The following MCPH1 variants were observed in gnomAD, a reference collection of about 807,000 sequenced individuals.
MCPH1 encodes microcephalin.
In MCPH1, 104 loss-of-function variants were observed where a neutral mutation model predicts 84.5. That is an observed-to-expected ratio of 1.23 (90% CI 1.05 to 1.45). The LOEUF is 1.45. Ranked by LOEUF, MCPH1 falls within the 40% of genes most tolerant of loss-of-function variation. MCPH1 has a pLI of 0.00. For synonymous variants in MCPH1, 514 were observed against 366.8 expected, an observed-to-expected ratio of 1.40 and a Z score of -4.58; for missense variants, 1,498 against 1,005.7, an observed-to-expected ratio of 1.49 and a Z score of -6.62.
chr8:6,552,241 C>T (rs1056698695), intron 12 of MCPH1, among the ~76,000 whole-genome samples: 16 of 152,168 alleles, frequency 1.1e-4, no homozygotes, highest in Admixed American at 9.2e-4. Flanking sequence ...CATGCAGAAG[C>T]AGCATTGCTT....
chr8:6,596,345 G>T (rs1427144067), intron 12 of MCPH1, among the ~76,000 whole-genome samples: 1 of 152,198 alleles, frequency 6.6e-6, no homozygotes, highest in African/African-American at 2.4e-5. Context: ...GCATGAGTGG[G>T]TCTATGGCAC....
At chr8:6,557,981 T>TCTTGACTGACTCCCTCAC (rs1230689323) in intron 12 of MCPH1, among the ~76,000 whole-genome samples, 1 of 152,112 alleles carries the variant, frequency 6.6e-6, no homozygotes, top group Non-Finnish European at 1.5e-5. Flanking sequence ...CTCTTCCTCA[T>TCTTGACTGACTCCCTCAC]CTTGACTGAC....
chr8:6,447,768 C>T (rs1804614371), intron 8 of MCPH1, among the ~76,000 whole-genome samples: 1 of 152,096 alleles, frequency 6.6e-6, no homozygotes, highest in African/African-American at 2.4e-5. Flanking sequence ...CCAGGCTGGT[C>T]TTGAACTCGC....
At chr8:6,569,176 G>A (rs758007747) in intron 12 of MCPH1, among the ~76,000 whole-genome samples, 16 of 152,100 alleles carry the variant, frequency 1.1e-4, no homozygotes, top group Non-Finnish European at 1.8e-4. Context: ...CCCACAAATC[G>A]TATGCAATAA....
intron 12 of MCPH1, among the ~76,000 whole-genome samples, chr8:6,584,863 C>T (rs1827845985): frequency 6.6e-6 from 1 of 152,184 alleles, no homozygotes; most frequent in South Asian, 2.1e-4. Flanking sequence ...TGCACAGTTA[C>T]CCCATATTTG....
chr8:6,605,760 C>T lies in MCPH1; in HGVS notation c.2215-15694C>T, dbSNP rs147106313. ...TCACCCAGGCTGGAGTGCAGTGGCA[C>T]GATCTCAGCTCACTGCAACCTCCAC... On this transcript the variant is annotated intron_variant, in intron 12 of 13. Transcript: ENST00000344683. Among the ~76,000 whole-genome samples, 1,169 of 152,240 alleles carry T rather than the reference C, an allele frequency of 7.7e-3. 9 individuals carry two copies. The highest frequency in any genetic ancestry group is 0.023 in the African/African-American group (948 of 41,532).
intron 5 of MCPH1, among the ~76,000 whole-genome samples, chr8:6,436,538 A>G (rs1275142344): frequency 6.6e-6 from 1 of 152,082 alleles, no homozygotes; most frequent in African/African-American, 2.4e-5. Flanking sequence ...GTTACCCTGA[A>G]TAGGCAAATC....
At chr8:6,480,593 C>G in intron 10 of MCPH1, 121 bp from the exon 11 acceptor site, 3 of 1,076,982 alleles carry the variant, frequency 2.8e-6, no homozygotes, top group South Asian at 2.5e-5. Flanking sequence ...CGTACCATAA[C>G]CAAAATCAGT....
At chr8:6,606,716 G>C (rs564558022) in intron 12 of MCPH1, among the ~76,000 whole-genome samples, 1 of 152,320 alleles carries the variant, frequency 6.6e-6, no homozygotes, top group East Asian at 1.9e-4. Flanking sequence ...GATGCGGTTT[G>C]GCTATGTCCC....
chr8:6,557,339 A>G (rs993218614), intron 12 of MCPH1, among the ~76,000 whole-genome samples: 1 of 152,194 alleles, frequency 6.6e-6, no homozygotes, highest in African/African-American at 2.4e-5. Flanking sequence ...ATACTTGTGT[A>G]CTAGAGATAT....
chr8:6,469,273 G>A (rs1343440066), intron 9 of MCPH1, among the ~76,000 whole-genome samples: 2 of 152,052 alleles, frequency 1.3e-5, no homozygotes, highest in Non-Finnish European at 2.9e-5. Context: ...AAAAATGGGG[G>A]AATATCAACA....
At chr8:6,634,646 C>G (rs76640252) in intron 13 of MCPH1, among the ~76,000 whole-genome samples, 4,663 of 152,328 alleles carry the variant, frequency 0.031, 109 homozygotes, top group South Asian at 0.061. Context: ...GACATCTTTT[C>G]TGATCGGTTT....
chr8:6,586,278 C>T (rs755069420), intron 12 of MCPH1, among the ~76,000 whole-genome samples: 6 of 152,122 alleles, frequency 3.9e-5, no homozygotes, highest in African/African-American at 7.2e-5. Flanking sequence ...CCTTTAAAAC[C>T]GGCAGCTGGG....
At chr8:6,473,941 A>G (rs1808097258) in intron 9 of MCPH1, 5 of 1,428,048 alleles carry the variant, frequency 3.5e-6, no homozygotes, top group Non-Finnish European at 4.9e-6. Context: ...GCCGATGCAC[A>G]ACTTCTTCCT....
chr8:6,466,972 T>A (rs551750222), intron 9 of MCPH1, among the ~76,000 whole-genome samples: 34 of 152,356 alleles, frequency 2.2e-4, no homozygotes, highest in African/African-American at 7.9e-4. Flanking sequence ...GGAATATAAA[T>A]TATTTGATAT....
intron 12 of MCPH1, among the ~76,000 whole-genome samples, chr8:6,601,547 C>CA (rs2129578246): frequency 1.2e-5 from 1 of 86,680 alleles, no homozygotes; most frequent in African/African-American, 3.5e-5. Context: ...ACACACACAC[C>CA]CCTACGCACA....
chr8:6,485,396 G>C (rs1050809702), intron 11 of MCPH1, among the ~76,000 whole-genome samples: 1 of 151,958 alleles, frequency 6.6e-6, no homozygotes, highest in Admixed American at 6.6e-5. Context: ...TGGTAGGACC[G>C]GGCTAGTGTC....
intron 12 of MCPH1, among the ~76,000 whole-genome samples, chr8:6,521,821 C>G (rs936199851): frequency 3.3e-5 from 5 of 152,170 alleles, no homozygotes; most frequent in Admixed American, 1.3e-4. Context: ...AGGATATTAG[C>G]TTTCTCCTAA....
intron 12 of MCPH1, among the ~76,000 whole-genome samples, chr8:6,543,352 C>T (rs567739480): frequency 3.9e-5 from 6 of 152,188 alleles, no homozygotes; most frequent in Non-Finnish European, 5.9e-5. Flanking sequence ...GGCTCTCCAA[C>T]GAACTGCTCC....
Sources: gnomAD v4.1 joint callset for allele counts (sites outside exome capture counted in the v4.1 genomes callset) on GRCh38, gnomAD v4.1.1 for gene constraint, MANE v1.5 for transcripts, NCBI Gene and HGNC (gene_info 2026-07-23, HGNC 2026-07-21) for gene names.